The following ERC2 variants were observed in gnomAD, a reference collection of about 807,000 sequenced individuals.
ERC2 encodes the protein ERC protein 2.
A neutral mutation model predicts 114.8 loss-of-function variants in ERC2; 42 were observed. The observed-to-expected ratio is 0.37, with a 90% confidence interval of 0.29 to 0.47. ERC2 has a LOEUF of 0.47. Among genes scored for constraint, ERC2 ranks in the 20% least tolerant of loss-of-function variants. The pLI, the probability that ERC2 is intolerant of heterozygous loss-of-function variation, is 0.99. For synonymous variants in ERC2, 454 were observed against 425.5 expected (o/e 1.07, Z -0.82); for missense variants, 939 against 1,150.7 (o/e 0.82, Z 2.66).
rs544182357 is a variant in ERC2, at chr3:55,784,230, AT to A, written c.2565-49313del. Among the ~76,000 whole-genome samples, 445 of 151,284 alleles carry A rather than the reference AT, an allele frequency of 2.9e-3. 4 individuals carry two copies. Among genetic ancestry groups the A allele is most frequent in the African/African-American group, 9.5e-3 (390 of 41,264 alleles). On this transcript the variant is annotated intron_variant, in intron 14 of 17. Transcript: ENST00000288221. ...TCAATTTGTATTCTCTATCTTTGTGATTTTTTTTTCCCCTATACCTCCACAC... is the reference window on the plus strand; with the variant it reads ...TCAATTTGTATTCTCTATCTTTGTGATTTTTTTTCCCCTATACCTCCACAC...
At chr3:55,603,349 G>A (rs1045535918) in intron 17 of ERC2, among the ~76,000 whole-genome samples, 12 of 152,118 alleles carry the variant, frequency 7.9e-5, no homozygotes, top group Admixed American at 3.3e-4. Context: ...TTAAGAAGCC[G>A]CAGCCGGGTG....
chr3:56,228,081 C>T (rs933808497), intron 3 of ERC2, among the ~76,000 whole-genome samples: 2 of 152,104 alleles, frequency 1.3e-5, no homozygotes, highest in African/African-American at 2.4e-5. Context: ...GTGATTACCT[C>T]GAGGAGACAA....
chr3:56,315,688 A>G (rs1175896129), intron 2 of ERC2, among the ~76,000 whole-genome samples: 1 of 152,134 alleles, frequency 6.6e-6, no homozygotes, highest in Non-Finnish European at 1.5e-5. Flanking sequence ...AGGAATTGCA[A>G]AGTGCTTATT....
chr3:55,980,588 A>C (rs1487643945), intron 12 of ERC2, among the ~76,000 whole-genome samples: 4 of 152,244 alleles, frequency 2.6e-5, no homozygotes, highest in Admixed American at 6.5e-5. Flanking sequence ...ATTTATAATA[A>C]TACTAAGAAA....
chr3:56,001,899 C>T (rs2072098149), intron 10 of ERC2, among the ~76,000 whole-genome samples: 1 of 151,840 alleles, frequency 6.6e-6, no homozygotes, highest in African/African-American at 2.4e-5. Context: ...TCATTTTTTC[C>T]CAGGGTGTTT....
At chr3:56,068,984 C>T (rs1317209372) in intron 7 of ERC2, among the ~76,000 whole-genome samples, 5 of 152,160 alleles carry the variant, frequency 3.3e-5, no homozygotes, top group Admixed American at 3.3e-4. Flanking sequence ...AGAGTAAGTG[C>T]CATGTGGCAC....
chr3:56,302,099 T>C (rs1308449486), intron 2 of ERC2, among the ~76,000 whole-genome samples: 1 of 152,186 alleles, frequency 6.6e-6, no homozygotes, highest in Non-Finnish European at 1.5e-5. Flanking sequence ...GACTGCCTTA[T>C]TAACCTCATT....
At chr3:56,056,270 G>A (rs1021507268) in intron 7 of ERC2, among the ~76,000 whole-genome samples, 5 of 152,170 alleles carry the variant, frequency 3.3e-5, no homozygotes, top group African/African-American at 4.8e-5. Flanking sequence ...ATTTATGAAA[G>A]TCCCCATAAA....
At chr3:56,419,787 A>T (rs2061316993) in intron 2 of ERC2, among the ~76,000 whole-genome samples, 1 of 152,216 alleles carries the variant, frequency 6.6e-6, no homozygotes, top group South Asian at 2.1e-4. Context: ...TGAGGAAGTG[A>T]AATTTGTGCA....
chr3:56,041,008 C>T (rs1467952519), intron 7 of ERC2, among the ~76,000 whole-genome samples: 1 of 151,806 alleles, frequency 6.6e-6, no homozygotes, highest in African/African-American at 2.4e-5. Context: ...CTCATTCAAT[C>T]AATTTTATGA....
chr3:55,820,995 G>C (rs1424521271), intron 14 of ERC2, among the ~76,000 whole-genome samples: 1 of 152,066 alleles, frequency 6.6e-6, no homozygotes, highest in Non-Finnish European at 1.5e-5. Context: ...AAATGGGAGA[G>C]AGCAAGAGAA....
intron 3 of ERC2, among the ~76,000 whole-genome samples, chr3:56,214,314 G>A (rs1260607355): frequency 6.6e-6 from 1 of 151,408 alleles, no homozygotes; most frequent in Non-Finnish European, 1.5e-5. Flanking sequence ...TGATGGAGCT[G>A]AAAACTACAG....
chr3:55,688,605 A>C (rs1156560615), intron 16 of ERC2, among the ~76,000 whole-genome samples: 4 of 152,168 alleles, frequency 2.6e-5, no homozygotes, highest in Admixed American at 2.6e-4. Context: ...CCATGGTTGG[A>C]ACTAGAAGCT....
At chr3:56,017,817 C>T (rs1167608677) in intron 8 of ERC2, among the ~76,000 whole-genome samples, 2 of 152,156 alleles carry the variant, frequency 1.3e-5, no homozygotes, top group African/African-American at 4.8e-5. Flanking sequence ...AGGATTTTCA[C>T]CCATTTTCTT....
intron 1 of ERC2, among the ~76,000 whole-genome samples, chr3:56,437,136 T>C (rs953990253): frequency 6.6e-6 from 1 of 152,250 alleles, no homozygotes; most frequent in African/African-American, 2.4e-5. Flanking sequence ...AGCAGACGCC[T>C]TAAGCAACAC....
intron 7 of ERC2, among the ~76,000 whole-genome samples, chr3:56,066,611 A>G (rs1461453292): frequency 6.6e-6 from 1 of 152,104 alleles, no homozygotes; most frequent in African/African-American, 2.4e-5. Context: ...TGATGATGTC[A>G]TCATAAAATC....
chr3:56,139,475 C>T, intron 6 of ERC2, 34 bp downstream of exon 6: 1 of 1,586,006 alleles, frequency 6.3e-7, no homozygotes, highest in Non-Finnish European at 8.6e-7. Flanking sequence ...AATTCAATGT[C>T]TCTGCTGTCT....
intron 3 of ERC2, among the ~76,000 whole-genome samples, chr3:56,188,866 C>T (rs781445966): frequency 2.0e-5 from 3 of 152,174 alleles, no homozygotes; most frequent in Non-Finnish European, 2.9e-5. Context: ...AAATGTTAAG[C>T]CAAAATCTGC....
At chr3:56,111,702 G>A (rs889323652) in intron 6 of ERC2, among the ~76,000 whole-genome samples, 8 of 152,116 alleles carry the variant, frequency 5.3e-5, no homozygotes, top group African/African-American at 1.9e-4. Flanking sequence ...TACAAAGCTG[G>A]TTTTACCTAA....
Sources: gnomAD v4.1 joint callset for allele counts (sites outside exome capture counted in the v4.1 genomes callset) on GRCh38, gnomAD v4.1.1 for gene constraint, MANE v1.5 for transcripts, NCBI Gene and HGNC (gene_info 2026-07-23, HGNC 2026-07-21) for gene names.